DPP4: variants seen among roughly 807,000 people sequenced by gnomAD.
The protein encoded by DPP4 is ADCP-2.
Under a neutral mutation model 122.4 loss-of-function variants are expected in DPP4, and 93 were observed. That is an observed-to-expected ratio of 0.76 (90% CI 0.64 to 0.90). The LOEUF (loss-of-function observed/expected upper bound fraction) is 0.90. DPP4 is among the 40% of genes least tolerant of loss of function. The pLI is 0.00. For missense variants in DPP4, 914 were observed against 907.3 expected (o/e 1.01, Z -0.09); for synonymous variants, 321 against 302.9 (o/e 1.06, Z -0.62).
At chr2:162,038,448 A>G (rs773256423) in intron 7 of DPP4, 26 bp from the exon 8 acceptor site, 4 of 1,586,496 alleles carry the variant, frequency 2.5e-6, no homozygotes, top group Non-Finnish European at 3.4e-6. Context: ...ACAAGCATTG[A>G]TATCTATAAT....
At chr2:162,027,462 T>C (rs923218883) in intron 10 of DPP4, among the ~76,000 whole-genome samples, 1 of 152,008 alleles carries the variant, frequency 6.6e-6, no homozygotes, top group Non-Finnish European at 1.5e-5. Flanking sequence ...GTATCAGTGG[T>C]TACTATTTTT....
chr2:162,044,188 A>G (rs1684093975), intron 5 of DPP4, among the ~76,000 whole-genome samples: 1 of 152,232 alleles, frequency 6.6e-6, no homozygotes, highest in African/African-American at 2.4e-5. Context: ...TTAAACAAAC[A>G]ATAATCCATT....
intron 10 of DPP4, among the ~76,000 whole-genome samples, chr2:162,030,598 C>T (rs1476616010): frequency 6.6e-6 from 1 of 152,152 alleles, no homozygotes; most frequent in Non-Finnish European, 1.5e-5. Context: ...TTTTGCTTGG[C>T]CCTGCTGGAT....
Position 162,074,139 on chromosome 2 carries a change from C to A in DPP4, c.-158G>T. The stretch of plus-strand genomic sequence containing the variant: ...GAGTTAAACATTAGTGAGCGCCGAG[C>A]CCGCTGGGTATAAAGGCGCCGCGGG... On this transcript the variant is annotated 5_prime_UTR_variant, in exon 1 of 26. Transcript: ENST00000360534. 1 of 1,392,234 alleles carries A rather than the reference C, an allele frequency of 7.2e-7. No homozygotes were observed. Among genetic ancestry groups the A allele is most frequent in the South Asian group, 1.7e-5 (1 of 59,778 alleles). 86.2% of individuals were successfully genotyped at this position (1,392,234 alleles called of 1,614,324 possible).
chr2:162,022,212 G>A (rs1683157603), intron 12 of DPP4, among the ~76,000 whole-genome samples: 1 of 152,174 alleles, frequency 6.6e-6, no homozygotes, highest in Non-Finnish European at 1.5e-5. Flanking sequence ...AGCATGACAA[G>A]TCCCTGAGGG....
intron 2 of DPP4, among the ~76,000 whole-genome samples, chr2:162,056,038 T>C (rs1684561668): frequency 6.6e-6 from 1 of 152,162 alleles, no homozygotes; most frequent in African/African-American, 2.4e-5. Context: ...CCCCCAGATA[T>C]GGCCAGTGCT....
intron 23 of DPP4, among the ~76,000 whole-genome samples, chr2:162,000,614 G>A (rs1576031726): frequency 1.3e-5 from 2 of 152,158 alleles, no homozygotes; most frequent in South Asian, 2.1e-4. Flanking sequence ...ATAACCTAAC[G>A]ATGCAGCAGT....
At chr2:162,071,662 A>T (rs1046443779) in intron 2 of DPP4, among the ~76,000 whole-genome samples, 1 of 152,190 alleles carries the variant, frequency 6.6e-6, no homozygotes, top group Non-Finnish European at 1.5e-5. Context: ...AAGAGTAGTT[A>T]TATGGAAACA....
chr2:162,034,429 T>C lies in DPP4; in HGVS notation c.774+735A>G, dbSNP rs560239709. Among the ~76,000 whole-genome samples, 66 of 152,236 alleles carry C rather than the reference T, an allele frequency of 4.3e-4. 2 individuals are homozygous for C. The South Asian group carries it at 0.013, about 31-fold the overall frequency. ...CTCTGTCTTCCTAAAATGGCAGCTC[T>C]TCATAAAGCAAATTGAGTGAGTTGG... On this transcript the variant is annotated intron_variant, in intron 9 of 25. Transcript: ENST00000360534.
intron 10 of DPP4, among the ~76,000 whole-genome samples, chr2:162,027,131 A>C (rs929244378): frequency 2.0e-5 from 3 of 152,122 alleles, no homozygotes; most frequent in Admixed American, 6.5e-5. Context: ...TGGGCAGATC[A>C]CCTGAGGTCA....
At chr2:162,029,374 C>T (rs562219470) in intron 10 of DPP4, among the ~76,000 whole-genome samples, 2 of 152,186 alleles carry the variant, frequency 1.3e-5, no homozygotes, top group Non-Finnish European at 2.9e-5. Flanking sequence ...CCCGAGGAAG[C>T]GGGCATACTG....
Position 162,020,657 on chromosome 2 carries a change from T to G in DPP4, c.1100A>C (p.Asp367Ala). 1 of 1,612,384 alleles carries G rather than the reference T, an allele frequency of 6.2e-7. No homozygotes were observed. The highest frequency in any genetic ancestry group is 1.3e-5 in the African/African-American group (1 of 74,954). Residue 367 changes from aspartate to alanine, a missense_variant, in exon 13 of 26, where the codon GAT becomes GCT. Asp to Ala is a moderately radical substitution (Grantham distance 126). Transcript: ENST00000360534. ...FRPSEPHFTL[D>A]GNSFYKIISN... ...GATGATCTTGTAGAAGCTATTACCATCAAGGGTAAAATGAGGTTCTGAAGG... is the reference window on the plus strand; with the variant it reads ...GATGATCTTGTAGAAGCTATTACCAGCAAGGGTAAAATGAGGTTCTGAAGG...
At chr2:162,050,361 A>G (rs1244682822) in intron 2 of DPP4, among the ~76,000 whole-genome samples, 1 of 152,186 alleles carries the variant, frequency 6.6e-6, no homozygotes, top group East Asian at 1.9e-4. Flanking sequence ...GACATCCACA[A>G]TCCTCACATC....
chr2:162,020,423 CCCACCTCGTT>C (rs1683082486), intron 13 of DPP4, 127 bp from the exon 14 acceptor site: 1 of 1,043,154 alleles, frequency 9.6e-7, no homozygotes, highest in Middle Eastern at 3.0e-4. Flanking sequence ...GTTGGGTTTC[CCCACCTCGTT>C]CCACATGACA....
chr2:162,043,693 C>T (rs1191996302), intron 5 of DPP4, among the ~76,000 whole-genome samples: 1 of 152,144 alleles, frequency 6.6e-6, no homozygotes, highest in Non-Finnish European at 1.5e-5. Context: ...CAGGGGTTCT[C>T]AGCCCTGGTT....
chr2:162,020,144 TAGG>T (rs1683068624), intron 14 of DPP4, 82 bp downstream of exon 14: 1 of 1,124,190 alleles, frequency 8.9e-7, no homozygotes, highest in Non-Finnish European at 1.3e-6. Context: ...TCTTTATTTG[TAGG>T]AGATTTTTTC....
At chr2:162,002,902 A>G (rs2106077927) in intron 23 of DPP4, among the ~76,000 whole-genome samples, 1 of 152,300 alleles carries the variant, frequency 6.6e-6, no homozygotes, top group East Asian at 1.9e-4. Flanking sequence ...AGTTCTCCAC[A>G]TAGATTCAGT....
chr2:161,993,084 T>G lies in DPP4; in HGVS notation c.*199A>C. On this transcript the variant is annotated 3_prime_UTR_variant, in exon 26 of 26. Coordinates refer to ENST00000360534, the MANE Select transcript of DPP4 (RefSeq NM_001935.4). ...AACCCGACCGGATAATTCAAACTTC[T>G]GTAAGGTAATAATCTGTTGTGAAGA... 2.1e-6 allele frequency: 1 copy of G among 474,924 alleles called. No individual in the cohort carries two copies. The highest frequency in any genetic ancestry group is 3.8e-6 in the Non-Finnish European group (1 of 263,310). The allele number at this position is 474,924 out of a possible 1,614,324, so 29.4% of individuals were successfully genotyped here. A position where few individuals can be genotyped will look rare whatever the true frequency, so the allele number is the denominator to read the frequency against.
At chr2:162,052,589 A>AT (rs543661958) in intron 2 of DPP4, among the ~76,000 whole-genome samples, 144 of 152,316 alleles carry the variant, frequency 9.5e-4, no homozygotes, top group African/African-American at 3.2e-3. Context: ...CTAGAAAGAA[A>AT]TTGGTACCAG....
Sources: gnomAD v4.1 joint callset for allele counts (sites outside exome capture counted in the v4.1 genomes callset) on GRCh38, gnomAD v4.1.1 for gene constraint, MANE v1.5 for transcripts, NCBI Gene and HGNC (gene_info 2026-07-23, HGNC 2026-07-21) for gene names.